The following SLC30A9 variants were observed in gnomAD, a reference collection of about 807,000 sequenced individuals.
SLC30A9 encodes solute carrier family 30 member 9.
Under a neutral mutation model 87.5 loss-of-function variants are expected in SLC30A9, and 58 were observed. The ratio of observed to expected loss-of-function variants is 0.66; its 90% CI spans 0.54 to 0.82. The LOEUF is 0.82. SLC30A9 is among the 40% of genes least tolerant of loss of function. The probability of loss-of-function intolerance (pLI) is 0.00; values close to 1 mark genes in which losing one functional copy is unlikely to be tolerated. For synonymous variants in SLC30A9, 234 were observed against 233.0 expected, an observed-to-expected ratio of 1.00 and a Z score of -0.04; for missense variants, 557 against 679.1, an observed-to-expected ratio of 0.82 and a Z score of 2.00.
chr4:42,065,077 G>A (rs923344223), intron 11 of SLC30A9, among the ~76,000 whole-genome samples: 4 of 152,162 alleles, frequency 2.6e-5, no homozygotes, highest in African/African-American at 9.7e-5. Context: ...AAATCCAGAA[G>A]TTACTTGAGT....
chr4:42,026,713 CT>C (rs1168719605), intron 6 of SLC30A9, among the ~76,000 whole-genome samples: 120 of 74,468 alleles, frequency 1.6e-3, no homozygotes, highest in East Asian at 0.011. Context: ...AAGTTTGTTC[CT>C]TTTTTTTTTT....
intron 1 of SLC30A9, among the ~76,000 whole-genome samples, chr4:41,991,329 G>A (rs536730170): frequency 6.6e-5 from 10 of 152,240 alleles, no homozygotes; most frequent in Non-Finnish European, 1.2e-4. Flanking sequence ...AAACTCTTCA[G>A]TTCGGCTGAG....
intron 10 of SLC30A9, among the ~76,000 whole-genome samples, chr4:42,061,670 G>C (rs1717857296): frequency 6.6e-6 from 1 of 152,144 alleles, no homozygotes; most frequent in African/African-American, 2.4e-5. Context: ...GGCTGAGGCA[G>C]GTGGATCACC....
intron 2 of SLC30A9, among the ~76,000 whole-genome samples, chr4:42,015,165 C>T (rs1367789829): frequency 1.3e-5 from 2 of 151,576 alleles, no homozygotes; most frequent in African/African-American, 4.8e-5. Context: ...CCTCATGTAC[C>T]CCATAAATGT....
chr4:42,034,567 G>A (rs377410128), intron 6 of SLC30A9, among the ~76,000 whole-genome samples: 11 of 152,092 alleles, frequency 7.2e-5, no homozygotes, highest in Admixed American at 2.0e-4. Context: ...GCATAGTGTC[G>A]TCAAGGTTTA....
chr4:42,054,097 G>A (rs1410572536), intron 9 of SLC30A9, among the ~76,000 whole-genome samples: 2 of 152,200 alleles, frequency 1.3e-5, no homozygotes, highest in Admixed American at 6.5e-5. Flanking sequence ...GCTCATGCCT[G>A]TAATTCCAGC....
chr4:42,090,315 C>G lies in SLC30A9; in HGVS notation c.*4189C>G, dbSNP rs1719049918. ...TATTTGCATGTAAGTTTACTTGCAT[C>G]CTTAGACTTGGCTTTATGCAAAAAG... On this transcript the variant is annotated 3_prime_UTR_variant, in exon 18 of 18. Transcript: ENST00000264451. 6.6e-6 allele frequency: 1 copy of G among 152,160 alleles called. No individual in the cohort carries two copies. The highest frequency in any genetic ancestry group is 2.4e-5 in the African/African-American group (1 of 41,440). 9.4% of individuals were successfully genotyped at this position (152,160 alleles called of 1,614,324 possible). A position where few individuals can be genotyped will look rare whatever the true frequency, so the allele number is the denominator to read the frequency against.
At chr4:42,046,373 C>T (rs529920753) in intron 8 of SLC30A9, among the ~76,000 whole-genome samples, 1 of 152,310 alleles carries the variant, frequency 6.6e-6, no homozygotes, top group African/African-American at 2.4e-5. Context: ...AGCTGATAAG[C>T]AACTTGAGCA....
intron 16 of SLC30A9, among the ~76,000 whole-genome samples, chr4:42,076,307 G>C (rs1310478525): frequency 2.0e-5 from 3 of 152,064 alleles, no homozygotes; most frequent in Admixed American, 2.0e-4. Context: ...CTTAAAAAAA[G>C]AAATAATTAC....
chr4:42,072,899 C>T (rs1452131736), intron 15 of SLC30A9, among the ~76,000 whole-genome samples: 1 of 151,422 alleles, frequency 6.6e-6, no homozygotes, highest in Non-Finnish European at 1.5e-5. Context: ...CTGGAACCTC[C>T]GCCTCCCAGA....
intron 9 of SLC30A9, among the ~76,000 whole-genome samples, chr4:42,059,514 A>C (rs1717759494): frequency 6.6e-6 from 1 of 152,214 alleles, no homozygotes; most frequent in African/African-American, 2.4e-5. Context: ...GAAGGAAAGA[A>C]AAGAATATGA....
intron 7 of SLC30A9, among the ~76,000 whole-genome samples, chr4:42,037,280 T>TTTTTC (rs1716722926): frequency 1.4e-5 from 1 of 72,456 alleles, no homozygotes; most frequent in African/African-American, 3.7e-5. Flanking sequence ...TTTTGTTATT[T>TTTTTC]CTGACCCAGA....
In SLC30A9 at chr4:42,001,184, A is replaced by G. The variant is rs546632917; in HGVS notation, c.110-432A>G. On this transcript the variant is annotated intron_variant, in intron 1 of 17. Transcript: ENST00000264451. ...TCGGTGACAGTATGAATGAATGATTAATATAATTCACTTGATTGTGAAATG... is the reference window on the plus strand; with the variant it reads ...TCGGTGACAGTATGAATGAATGATTGATATAATTCACTTGATTGTGAAATG... Among the ~76,000 whole-genome samples the G allele has an allele frequency of 9.9e-5, 15 of 151,200 alleles. No individual in the cohort carries two copies. In the East Asian group the frequency reaches 2.7e-3, roughly 27 times the overall value.
chr4:42,048,765 T>C (rs529245033), intron 8 of SLC30A9, among the ~76,000 whole-genome samples: 362 of 152,318 alleles, frequency 2.4e-3, no homozygotes, highest in Non-Finnish European at 3.5e-3. Flanking sequence ...CACATAATTT[T>C]CTTTTACATT....
rs1362960685 is a variant in SLC30A9 at position 42,038,455 on chromosome 4, A to G, written c.670-531A>G. 2.0e-5 allele frequency among the ~76,000 whole-genome samples: 3 copies of G among 152,192 alleles called. No individual in the cohort carries two copies. The East Asian group carries it at 5.8e-4, about 29-fold the overall frequency. On this transcript the variant is annotated intron_variant, in intron 7 of 17. Transcript: ENST00000264451. ...GAGTTTTTTCTCTATTCATCCAAAT[A>G]ATACAATATATTCTTATTTTAATAA...
rs148015929 is a variant in SLC30A9 at position 42,047,393 on chromosome 4, A to G, written c.738-1984A>G. On this transcript the variant is annotated intron_variant, in intron 8 of 17. Coordinates refer to ENST00000264451, the MANE Select transcript of SLC30A9 (RefSeq NM_006345.4). Reference sequence around the variant, plus strand: ...TTAAACAAATTTACAAGAAAAACAAACAACTGCATCAAAAAGTGGGTGAAG... The same window carrying G: ...TTAAACAAATTTACAAGAAAAACAAGCAACTGCATCAAAAAGTGGGTGAAG... 5.1e-4 allele frequency among the ~76,000 whole-genome samples: 78 copies of G among 152,348 alleles called. 1 individual carries two copies. Among genetic ancestry groups the G allele is most frequent in the African/African-American group, 1.5e-3 (64 of 41,588 alleles).
intron 6 of SLC30A9, among the ~76,000 whole-genome samples, chr4:42,030,504 T>C (rs1716380113): frequency 6.6e-6 from 1 of 152,126 alleles, no homozygotes; most frequent in Admixed American, 6.6e-5. Flanking sequence ...TGTGTTATCG[T>C]ATCTGTTTTG....
intron 1 of SLC30A9, among the ~76,000 whole-genome samples, chr4:41,996,870 C>T (rs1714736881): frequency 6.6e-6 from 1 of 151,932 alleles, no homozygotes; most frequent in Non-Finnish European, 1.5e-5. Flanking sequence ...CACATCTCTG[C>T]TAAAAATACA....
chr4:42,018,034 A>C, intron 2 of SLC30A9, 77 bp from the exon 3 acceptor site: 2 of 785,274 alleles, frequency 2.5e-6, no homozygotes, highest in Non-Finnish European at 4.3e-6. Flanking sequence ...GCTATATTAC[A>C]TTGGCTAATA....
Sources: gnomAD v4.1 joint callset for allele counts (sites outside exome capture counted in the v4.1 genomes callset) on GRCh38, gnomAD v4.1.1 for gene constraint, MANE v1.5 for transcripts, NCBI Gene and HGNC (gene_info 2026-07-23, HGNC 2026-07-21) for gene names.